NCS1: variants seen among roughly 807,000 people sequenced by gnomAD.
NCS1 encodes the protein neuronal calcium sensor 1, also known as frequenin homolog.
Under a neutral mutation model 28.4 loss-of-function variants are expected in NCS1, and 6 were observed. The ratio of observed to expected loss-of-function variants is 0.21; its 90% CI spans 0.12 to 0.42. The LOEUF (loss-of-function observed/expected upper bound fraction) is 0.42. Among genes scored for constraint, NCS1 ranks in the 10% least tolerant of loss-of-function variants. The pLI is 1.00. For synonymous variants in NCS1, 86 were observed against 99.3 expected (o/e 0.87, Z 0.79); for missense variants, 131 against 241.4 (o/e 0.54, Z 3.03).
intron 1 of NCS1, chr9:130,193,807 C>G (rs1832845786): frequency 6.5e-6 from 1 of 152,920 alleles, no homozygotes; most frequent in Non-Finnish European, 1.5e-5. Flanking sequence ...AGCTGCGCTT[C>G]TGGAAGGAGG....
At chr9:130,200,558 G>T in intron 1 of NCS1, 2 of 1,551,646 alleles carry the variant, frequency 1.3e-6, no homozygotes, top group Non-Finnish European at 1.7e-6. Context: ...AGTGCCTGGG[G>T]AAGCCAGGGC....
chr9:130,187,287 C>G (rs1022403256), intron 1 of NCS1, among the ~76,000 whole-genome samples: 1 of 152,120 alleles, frequency 6.6e-6, no homozygotes, highest in Non-Finnish European at 1.5e-5. Context: ...CTCTGTGCCC[C>G]GTCGCTGCCA....
At position 130,175,011 on chromosome 9, in the gene NCS1, G is replaced by A. The variant is rs1832545030; in HGVS notation, c.64+2284G>A. 1.3e-5 allele frequency among the ~76,000 whole-genome samples: 2 copies of A among 152,106 alleles called. No homozygotes were observed. The highest frequency in any genetic ancestry group is 2.1e-4 in the South Asian group (1 of 4,824). On this transcript the variant is annotated intron_variant, in intron 1 of 7. Coordinates refer to ENST00000372398, the MANE Select transcript of NCS1 (RefSeq NM_014286.4). This position sits in a 1 kb window ranked among gnomAD's most constrained non-coding sequence, Gnocchi z 4.9. ...GCTATTTTTAAAGGCCTTTGGAGAC[G>A]TGGAACAGTTTTGGGCAGAGAGAGA...
Position 130,191,493 on chromosome 9 carries a change from G to A in NCS1, c.65-9465G>A, listed in dbSNP as rs868913018. On this transcript the variant is annotated intron_variant, in intron 1 of 7. Coordinates refer to ENST00000372398, the MANE Select transcript of NCS1 (RefSeq NM_014286.4). The surrounding 1 kb of genome is among the most constrained non-coding windows in gnomAD (Gnocchi z 6.4). ...GCTCTGGCATCTTTTACATGGAGGCGAGGCAGCCGTGGGGATGTAAGGAAG... is the reference window on the plus strand; with the variant it reads ...GCTCTGGCATCTTTTACATGGAGGCAAGGCAGCCGTGGGGATGTAAGGAAG... Among the ~76,000 whole-genome samples, 1 of 152,192 alleles carries A rather than the reference G, an allele frequency of 6.6e-6. No individual in the cohort carries two copies. The highest frequency in any genetic ancestry group is 2.4e-5 in the African/African-American group (1 of 41,462).
intron 1 of NCS1, among the ~76,000 whole-genome samples, chr9:130,198,120 C>G (rs550756819): frequency 2.2e-4 from 33 of 152,220 alleles, no homozygotes; most frequent in Non-Finnish European, 4.3e-4. Context: ...TTATCTCCCC[C>G]ACCCTAGCTC....
In NCS1 at chr9:130,177,915, C is replaced by T. The variant is rs71501108; in HGVS notation, c.64+5188C>T. 2.1e-4 allele frequency among the ~76,000 whole-genome samples: 32 copies of T among 152,368 alleles called. No homozygotes were observed. The highest frequency in any genetic ancestry group is 4.3e-4 in the Non-Finnish European group (29 of 68,036). Reference sequence around the variant, plus strand: ...TGGGCAAACCTCCTCTCACCGGCTTCACTTTCCGCCTCTGGAAAATGGGCA... The same window carrying T: ...TGGGCAAACCTCCTCTCACCGGCTTTACTTTCCGCCTCTGGAAAATGGGCA... On this transcript the variant is annotated intron_variant, in intron 1 of 7. Transcript: ENST00000372398. This position sits in a 1 kb window ranked among gnomAD's most constrained non-coding sequence, Gnocchi z 4.4.
chr9:130,226,752 C>A lies in NCS1; in HGVS notation c.*17+248C>A, dbSNP rs1337858405. On this transcript the variant is annotated intron_variant, in intron 7 of 7. Transcript: ENST00000372398. This position sits in a 1 kb window ranked among gnomAD's most constrained non-coding sequence, Gnocchi z 4.8. The stretch of plus-strand genomic sequence containing the variant: ...TTTGCTTGAACAGAATTTTTCTGGG[C>A]GCGGTGGCTCACGCCTGTAATCCCA... Among the ~76,000 whole-genome samples the A allele has an allele frequency of 3.9e-5, 6 of 152,066 alleles. No homozygotes were observed. The highest frequency in any genetic ancestry group is 8.8e-5 in the Non-Finnish European group (6 of 68,016).
At chr9:130,203,137 T>TATATA (rs1491343446) in intron 2 of NCS1, among the ~76,000 whole-genome samples, 35 of 32,550 alleles carry the variant, frequency 1.1e-3, no homozygotes, top group Non-Finnish European at 1.8e-3. Context: ...TATATATATA[T>TATATA]TTTTTTTTTT....
At chr9:130,214,283 C>T (rs782821144) in intron 2 of NCS1, among the ~76,000 whole-genome samples, 10 of 152,114 alleles carry the variant, frequency 6.6e-5, no homozygotes, top group Non-Finnish European at 1.0e-4. Flanking sequence ...TGGGGCCTGG[C>T]GGGAGAGTGG....
Position 130,172,649 on chromosome 9 carries a change from C to G in NCS1, c.-15C>G. 6.9e-7 allele frequency: 1 copy of G among 1,443,892 alleles called. No homozygotes were observed. The allele number at this position is 1,443,892 out of a possible 1,614,324, so 89.4% of individuals were successfully genotyped here. On this transcript the variant is annotated 5_prime_UTR_variant, in exon 1 of 8. Coordinates refer to ENST00000372398, the MANE Select transcript of NCS1 (RefSeq NM_014286.4). ...CGGGTCCGGCCCGGGGGGGCGGGGGCCGCGGCCGCCGAGGATGGGGAAATC... is the reference window on the plus strand; with the variant it reads ...CGGGTCCGGCCCGGGGGGGCGGGGGGCGCGGCCGCCGAGGATGGGGAAATC...
intron 2 of NCS1, among the ~76,000 whole-genome samples, chr9:130,204,975 G>A (rs545777034): frequency 6.6e-6 from 1 of 152,162 alleles, no homozygotes; most frequent in Non-Finnish European, 1.5e-5. Context: ...ACACCCTGGG[G>A]AGACACCGAG....
chr9:130,223,198 G>T (rs1402970724), intron 6 of NCS1, 39 bp downstream of exon 6: 35 of 1,589,980 alleles, frequency 2.2e-5, no homozygotes, highest in Non-Finnish European at 2.9e-5. Context: ...GACCAGGGAG[G>T]CAAGGTGTCG....
rs1187986720 is a variant in NCS1, at chr9:130,177,685, C to T, written c.64+4958C>T. Among the ~76,000 whole-genome samples, 1 of 152,244 alleles carries T rather than the reference C, an allele frequency of 6.6e-6. No individual in the cohort carries two copies. Among genetic ancestry groups the T allele is most frequent in the African/African-American group, 2.4e-5 (1 of 41,462 alleles). On this transcript the variant is annotated intron_variant, in intron 1 of 7. Coordinates refer to ENST00000372398, the MANE Select transcript of NCS1 (RefSeq NM_014286.4). This position sits in a 1 kb window ranked among gnomAD's most constrained non-coding sequence, Gnocchi z 4.4. ...GTGCGGGGCTGGGTCCTCACTCGGC[C>T]TTGGTGACCTTGGGGAAGTCCCTTG...
intron 7 of NCS1, among the ~76,000 whole-genome samples, chr9:130,228,690 A>T (rs1833453057): frequency 6.8e-6 from 1 of 147,928 alleles, no homozygotes. Flanking sequence ...TTTTTGAGAC[A>T]GGGTCTCACT....
chr9:130,172,723 C>A lies in NCS1; in HGVS notation c.60C>A (p.Thr20=). The A allele has an allele frequency of 1.3e-6, 2 of 1,513,174 alleles. No homozygotes were observed. 93.7% of individuals were successfully genotyped at this position (1,513,174 alleles called of 1,614,324 possible). The change falls in exon 1 of 8, where the codon ACC becomes ACA. Residue 20 remains threonine, a synonymous_variant. Coordinates refer to ENST00000372398, the MANE Select transcript of NCS1 (RefSeq NM_014286.4). ...PEVVEELTRK[T]YFTEKEVQQW... ...TTGTGGAGGAGCTGACCAGGAAGAC[C>A]TACTGTGAGTGCTCCCAGCCCCCAG... is the stretch of plus-strand genomic sequence containing the variant.
chr9:130,190,354 T>C (rs1249129294), intron 1 of NCS1, among the ~76,000 whole-genome samples: 2 of 152,168 alleles, frequency 1.3e-5, no homozygotes, highest in Non-Finnish European at 2.9e-5. Flanking sequence ...CTCATACAGC[T>C]TCTCTGAGGC....
Position 130,181,984 on chromosome 9 carries a change from G to A in NCS1, c.64+9257G>A, listed in dbSNP as rs1372559473. On this transcript the variant is annotated intron_variant, in intron 1 of 7. Coordinates refer to ENST00000372398, the MANE Select transcript of NCS1 (RefSeq NM_014286.4). This position sits in a 1 kb window ranked among gnomAD's most constrained non-coding sequence, Gnocchi z 5.0. ...AGGCCGGGAGCCGCGCCAAAGGCTG[G>A]GAGCTCAGCTGCCAGGTCTGGAACC... Among the ~76,000 whole-genome samples, 1 of 152,084 alleles carries A rather than the reference G, an allele frequency of 6.6e-6. No individual in the cohort carries two copies.
At chr9:130,211,633 CT>C (rs1833114166) in intron 2 of NCS1, among the ~76,000 whole-genome samples, 1 of 152,028 alleles carries the variant, frequency 6.6e-6, no homozygotes, top group Non-Finnish European at 1.5e-5. Flanking sequence ...CCTCTCTCCC[CT>C]TCCTGGTACC....
intron 2 of NCS1, among the ~76,000 whole-genome samples, chr9:130,203,409 G>C (rs915136960): frequency 1.3e-5 from 2 of 152,210 alleles, no homozygotes; most frequent in Non-Finnish European, 2.9e-5. Context: ...CCAGCCTCCA[G>C]TGTGAATATT....
Sources: allele counts gnomAD v4.1 joint callset (sites outside exome capture counted in the v4.1 genomes callset), GRCh38; gene constraint gnomAD v4.1.1; non-coding constraint Gnocchi (gnomAD v3.1); transcripts MANE v1.5; gene names NCBI Gene and HGNC (gene_info 2026-07-23, HGNC 2026-07-21).